Variants in PCDH11X observed in about 807,000 individuals in gnomAD.
PCDH11X encodes the protein protocadherin-11 X-linked.
A neutral mutation model predicts 53.3 loss-of-function variants in PCDH11X; 18 were observed. The observed-to-expected ratio is 0.34, with a 90% CI of 0.23 to 0.50. The LOEUF (loss-of-function observed/expected upper bound fraction) is 0.50. Among genes scored for constraint, PCDH11X ranks in the 20% least tolerant of loss-of-function variants. The pLI is 0.98. For missense variants in PCDH11X, 570 were observed against 1,032.4 expected, an observed-to-expected ratio of 0.55 and a Z score of 6.14; for synonymous variants, 279 against 393.3, an observed-to-expected ratio of 0.71 and a Z score of 3.44.
intron 6 of PCDH11X, among the ~76,000 whole-genome samples, chrX:91,994,906 G>A (rs1469375257): frequency 3.6e-5 from 4 of 111,095 alleles, no homozygotes; most frequent in Non-Finnish European, 7.5e-5. Flanking sequence ...TAGTGATGTT[G>A]CACACATTTT....
chrX:92,574,686 G>C (rs929620918), intron 10 of PCDH11X, among the ~76,000 whole-genome samples: 1 of 110,577 alleles, frequency 9.0e-6, no homozygotes, highest in African/African-American at 3.3e-5. Flanking sequence ...TCCTCATATC[G>C]AGTGCACAGG....
At chrX:91,823,603 A>C (rs1164863683) in intron 4 of PCDH11X, among the ~76,000 whole-genome samples, 1 of 111,567 alleles carries the variant, frequency 9.0e-6, no homozygotes, top group Non-Finnish European at 1.9e-5. Context: ...AATACAGCAC[A>C]CTGATGGATC....
chrX:92,256,719 C>T (rs1438976088), intron 7 of PCDH11X, among the ~76,000 whole-genome samples: 2 of 110,674 alleles, frequency 1.8e-5, no homozygotes, highest in African/African-American at 6.6e-5. Flanking sequence ...CTCCCACCCC[C>T]AACCCTTTGA....
At chrX:92,614,167 G>T (rs1301533898) in intron 10 of PCDH11X, among the ~76,000 whole-genome samples, 1 of 110,437 alleles carries the variant, frequency 9.1e-6, no homozygotes, top group Non-Finnish European at 1.9e-5. Flanking sequence ...GACCATTGGT[G>T]GAGGGGTACT....
At chrX:92,122,557 A>G (rs12856462) in intron 6 of PCDH11X, among the ~76,000 whole-genome samples, 3 of 112,009 alleles carry the variant, frequency 2.7e-5, no homozygotes, top group African/African-American at 9.7e-5. Flanking sequence ...TAAAAGAATC[A>G]ATGGATGTCA....
At chrX:92,056,966 A>G (rs1340031121) in intron 6 of PCDH11X, among the ~76,000 whole-genome samples, 2 of 110,523 alleles carry the variant, frequency 1.8e-5, no homozygotes, top group Non-Finnish European at 3.8e-5. Context: ...CTAACTCTTC[A>G]TTCTGGACAA....
chrX:92,263,310 C>T (rs767250305), intron 8 of PCDH11X, among the ~76,000 whole-genome samples, 167 bp downstream of exon 8: 1 of 111,559 alleles, frequency 9.0e-6, no homozygotes, highest in African/African-American at 3.2e-5. Context: ...CATTTTGTAT[C>T]GCACAGTTCT....
intron 5 of PCDH11X, among the ~76,000 whole-genome samples, chrX:91,866,667 C>A (rs2147702528): frequency 9.1e-6 from 1 of 109,577 alleles, no homozygotes; most frequent in South Asian, 4.0e-4. Flanking sequence ...CTCTTCAGTG[C>A]CTCTTTTGGG....
intron 6 of PCDH11X, among the ~76,000 whole-genome samples, chrX:92,134,867 A>G (rs1312665347): frequency 9.1e-6 from 1 of 110,226 alleles, no homozygotes; most frequent in Non-Finnish European, 1.9e-5. Context: ...TGACTTCTTT[A>G]CTGCAGCCTG....
At chrX:92,314,564 T>C (rs1162472731) in intron 8 of PCDH11X, among the ~76,000 whole-genome samples, 3 of 111,767 alleles carry the variant, frequency 2.7e-5, no homozygotes, top group African/African-American at 9.8e-5. Flanking sequence ...TTGTATATGC[T>C]ATGCTTTTAT....
intron 6 of PCDH11X, among the ~76,000 whole-genome samples, chrX:91,936,477 G>A (rs1226436715): frequency 2.8e-5 from 3 of 108,171 alleles, no homozygotes; most frequent in South Asian, 3.8e-4. Flanking sequence ...ACTTACAATC[G>A]TATTTTCATT....
intron 4 of PCDH11X, among the ~76,000 whole-genome samples, chrX:91,819,437 C>A (rs1290927645): frequency 1.2e-4 from 13 of 110,418 alleles, no homozygotes. Context: ...GAAGATCATG[C>A]ATAAAATATA....
Position 92,233,299 on chromosome X carries a change from A to G in PCDH11X, c.3115-29815A>G, listed in dbSNP as rs151314082. 8.9e-4 allele frequency among the ~76,000 whole-genome samples: 99 copies of G among 111,377 alleles called. 1 individual carries two copies. The East Asian group carries it at 0.025, about 28-fold the overall frequency. ...AGTCCTTTCCCATTTTTTTAATGATACAGAAAACATTACATAACACTCTAC... is the reference window on the plus strand; with the variant it reads ...AGTCCTTTCCCATTTTTTTAATGATGCAGAAAACATTACATAACACTCTAC... On this transcript the variant is annotated intron_variant, in intron 7 of 10. Transcript: ENST00000682573.
intron 10 of PCDH11X, among the ~76,000 whole-genome samples, chrX:92,538,101 CTTT>C (rs1288485984): frequency 1.9e-5 from 2 of 105,539 alleles, no homozygotes; most frequent in Non-Finnish European, 3.9e-5. Context: ...AAATTTACTT[CTTT>C]ATCATTGTAT....
At chrX:92,147,367 T>A (rs1201540520) in intron 6 of PCDH11X, among the ~76,000 whole-genome samples, 2 of 110,589 alleles carry the variant, frequency 1.8e-5, no homozygotes, top group African/African-American at 6.6e-5. Flanking sequence ...TCAGATTTTT[T>A]AAAAAAACTT....
intron 7 of PCDH11X, among the ~76,000 whole-genome samples, chrX:92,222,464 A>G (rs1400808731): frequency 9.0e-6 from 1 of 111,250 alleles, no homozygotes; most frequent in Non-Finnish European, 1.9e-5. Flanking sequence ...TTCCTGCTGC[A>G]ATTTCATGTT....
intron 8 of PCDH11X, among the ~76,000 whole-genome samples, chrX:92,300,640 G>A (rs2068702361): frequency 9.0e-6 from 1 of 110,653 alleles, no homozygotes; most frequent in Non-Finnish European, 1.9e-5. Context: ...ACCATGCCCA[G>A]GTAATTTTTT....
chrX:92,580,558 T>A (rs1156428798), intron 10 of PCDH11X, among the ~76,000 whole-genome samples: 6 of 110,122 alleles, frequency 5.4e-5, no homozygotes, highest in Non-Finnish European at 9.5e-5. Flanking sequence ...GAGAATTTCT[T>A]CCGGTCCAAG....
intron 1 of PCDH11X, among the ~76,000 whole-genome samples, chrX:91,808,013 A>T (rs1471825696): frequency 9.2e-6 from 1 of 109,289 alleles, no homozygotes; most frequent in Non-Finnish European, 1.9e-5. Context: ...TAAATACCTG[A>T]TTATTTATTT....
Sources: allele counts gnomAD v4.1 joint callset (sites outside exome capture counted in the v4.1 genomes callset), GRCh38; gene constraint gnomAD v4.1.1; transcripts MANE v1.5; gene names NCBI Gene and HGNC (gene_info 2026-07-23, HGNC 2026-07-21).